Variants in DLG2 observed in about 807,000 individuals in gnomAD.
DLG2 encodes disks large homolog 2.
A neutral mutation model predicts 132.5 loss-of-function variants in DLG2; 45 were observed. That is an observed-to-expected ratio of 0.34 (90% CI 0.27 to 0.44). DLG2 has a LOEUF of 0.44. DLG2 is among the 20% of genes least tolerant of loss of function. The probability of loss-of-function intolerance (pLI) is 1.00; values close to 1 mark genes in which losing one functional copy is unlikely to be tolerated. For missense variants in DLG2, 1,045 were observed against 1,196.9 expected (o/e 0.87, Z 1.87); for synonymous variants, 424 against 419.6 (o/e 1.01, Z -0.13).
chr11:84,533,930 A>T (rs2099349214), intron 7 of DLG2, among the ~76,000 whole-genome samples: 1 of 148,132 alleles, frequency 6.8e-6, no homozygotes, highest in African/African-American at 2.5e-5. Context: ...AAAAAAAAAA[A>T]AAAAAAATCA....
intron 6 of DLG2, among the ~76,000 whole-genome samples, chr11:85,073,118 A>C (rs2066096601): frequency 6.6e-6 from 1 of 151,922 alleles, no homozygotes. Flanking sequence ...AATTTTAAAA[A>C]TACATATTTT....
At chr11:85,119,079 G>A (rs1341311775) in intron 5 of DLG2, among the ~76,000 whole-genome samples, 1 of 151,702 alleles carries the variant, frequency 6.6e-6, no homozygotes. Context: ...TATCTCACAA[G>A]GTTACTATGA....
intron 26 of DLG2, among the ~76,000 whole-genome samples, chr11:83,464,198 ATGG>A (rs2090583441): frequency 1.3e-5 from 2 of 152,226 alleles, no homozygotes; most frequent in African/African-American, 4.8e-5. Flanking sequence ...CAGAAGTCAG[ATGG>A]TGGCACAATA....
chr11:83,800,304 C>T lies in DLG2; in HGVS notation c.1723-13512G>A, dbSNP rs575315677. Reference sequence around the variant, plus strand: ...GCCTCATACTAAATCACAGAGGTACCGTCTAATGCTTAATAAACAAATATA... The same window carrying T: ...GCCTCATACTAAATCACAGAGGTACTGTCTAATGCTTAATAAACAAATATA... On this transcript the variant is annotated intron_variant, in intron 17 of 27. Transcript: ENST00000376104. 3.2e-4 allele frequency among the ~76,000 whole-genome samples: 49 copies of T among 152,200 alleles called. 1 individual carries two copies. The highest frequency in any genetic ancestry group is 1.0e-3 in the African/African-American group (42 of 41,514).
chr11:83,531,010 C>G (rs1420558476), intron 21 of DLG2, among the ~76,000 whole-genome samples: 2 of 151,944 alleles, frequency 1.3e-5, no homozygotes, highest in Non-Finnish European at 2.9e-5. Flanking sequence ...CAAATACTAA[C>G]TCAACATGGA....
intron 3 of DLG2, among the ~76,000 whole-genome samples, chr11:85,589,795 CA>C (rs1204505364): frequency 1.3e-5 from 2 of 152,004 alleles, no homozygotes; most frequent in Non-Finnish European, 2.9e-5. Flanking sequence ...GCAGGGCTTT[CA>C]GGTTACACCC....
intron 3 of DLG2, among the ~76,000 whole-genome samples, chr11:85,549,123 G>A (rs1369602793): frequency 6.6e-6 from 1 of 152,184 alleles, no homozygotes; most frequent in African/African-American, 2.4e-5. Flanking sequence ...GGTGGCTTGG[G>A]CGCTGGAGTG....
intron 16 of DLG2, among the ~76,000 whole-genome samples, chr11:83,859,474 C>T (rs567499079): frequency 3.9e-5 from 6 of 152,246 alleles, no homozygotes; most frequent in African/African-American, 1.2e-4. Context: ...TGCCCCTGCC[C>T]TAGAGATTTG....
chr11:83,658,024 C>T (rs2073194582), intron 18 of DLG2, among the ~76,000 whole-genome samples: 1 of 152,130 alleles, frequency 6.6e-6, no homozygotes, highest in African/African-American at 2.4e-5. Flanking sequence ...GGATAATAGC[C>T]AAACCAGTCT....
chr11:85,506,846 G>A (rs145196417), intron 3 of DLG2, among the ~76,000 whole-genome samples: 2,490 of 152,282 alleles, frequency 0.016, 35 homozygotes, highest in Middle Eastern at 0.034. Context: ...TACTGTGTGG[G>A]AGTCTAAGTC....
At chr11:84,225,343 A>G (rs918646822) in intron 8 of DLG2, among the ~76,000 whole-genome samples, 2 of 152,258 alleles carry the variant, frequency 1.3e-5, no homozygotes, top group African/African-American at 4.8e-5. Flanking sequence ...GAGATTATTC[A>G]GCTTCATTTG....
chr11:83,930,557 C>T, intron 14 of DLG2, 74 bp from the exon 15 acceptor site: 4 of 1,416,654 alleles, frequency 2.8e-6, no homozygotes, highest in Non-Finnish European at 3.8e-6. Flanking sequence ...CCAGTAGCAT[C>T]TCAGCATGTG....
chr11:85,594,192 G>C (rs2079566856), intron 3 of DLG2, among the ~76,000 whole-genome samples: 1 of 152,168 alleles, frequency 6.6e-6, no homozygotes, highest in Non-Finnish European at 1.5e-5. Context: ...CCAGCAAGTA[G>C]GAATGTGTTA....
intron 14 of DLG2, among the ~76,000 whole-genome samples, chr11:83,961,844 A>T (rs958420465): frequency 2.0e-5 from 3 of 152,078 alleles, no homozygotes; most frequent in African/African-American, 7.2e-5. Context: ...ACATTTCAGC[A>T]TAGGAAGAAG....
intron 6 of DLG2, among the ~76,000 whole-genome samples, chr11:85,098,465 C>G (rs7949857): frequency 1.3e-5 from 2 of 152,168 alleles, no homozygotes; most frequent in African/African-American, 4.8e-5. Flanking sequence ...CGTGTGTACT[C>G]TAGAAAACTG....
chr11:85,422,313 A>C (rs1297789120), intron 3 of DLG2, among the ~76,000 whole-genome samples: 2 of 152,090 alleles, frequency 1.3e-5, no homozygotes, highest in Non-Finnish European at 2.9e-5. Flanking sequence ...CTTCCTCAGG[A>C]ACTCAGATTA....
At chr11:84,663,247 ATATT>A (rs1289613452) in intron 6 of DLG2, among the ~76,000 whole-genome samples, 212 of 79,648 alleles carry the variant, frequency 2.7e-3, no homozygotes, top group African/African-American at 0.011. Context: ...ATATATATAT[ATATT>A]TTTTTTTCAT....
chr11:84,541,452 T>C (rs2099370040), intron 6 of DLG2, among the ~76,000 whole-genome samples: 1 of 152,110 alleles, frequency 6.6e-6, no homozygotes, highest in Non-Finnish European at 1.5e-5. Flanking sequence ...AGATTTAGTG[T>C]TGCCTCCTCA....
intron 7 of DLG2, among the ~76,000 whole-genome samples, chr11:84,314,469 C>T (rs1017100712): frequency 6.6e-6 from 1 of 152,038 alleles, no homozygotes; most frequent in African/African-American, 2.4e-5. Context: ...AGTACTAACA[C>T]ATCTCTATAT....
Sources: allele counts gnomAD v4.1 joint callset (sites outside exome capture counted in the v4.1 genomes callset), GRCh38; gene constraint gnomAD v4.1.1; transcripts MANE v1.5; gene names NCBI Gene and HGNC (gene_info 2026-07-23, HGNC 2026-07-21).